The following NSF variants were observed in gnomAD, a reference collection of about 807,000 sequenced individuals.
NSF encodes the protein N-ethylmaleimide sensitive factor, vesicle fusing ATPase.
NSF carries 14 observed loss-of-function variants against 50.3 expected under a neutral mutation model. The observed-to-expected ratio is 0.28, with a 90% CI of 0.18 to 0.44. The LOEUF is 0.44. Among genes scored for constraint, NSF ranks in the 20% least tolerant of loss-of-function variants. The pLI, the probability that NSF is intolerant of heterozygous loss-of-function variation, is 1.00. For synonymous variants in NSF, 109 were observed against 175.7 expected, an observed-to-expected ratio of 0.62 and a Z score of 3.00; for missense variants, 218 against 504.3, an observed-to-expected ratio of 0.43 and a Z score of 5.44.
At chr17:46,657,432 G>A (rs2058268670) in intron 8 of NSF, among the ~76,000 whole-genome samples, 1 of 152,104 alleles carries the variant, frequency 6.6e-6, no homozygotes, top group African/African-American at 2.4e-5. Context: ...ATTTGTCATT[G>A]AATGGCTGTG....
At chr17:46,714,073 T>C in intron 15 of NSF, 87 bp downstream of exon 15, 1 of 1,343,990 alleles carries the variant, frequency 7.4e-7, no homozygotes, top group Non-Finnish European at 9.9e-7. Context: ...CATGTATACA[T>C]ATAAACCCAT....
At chr17:46,732,878 C>T (rs1470406836) in intron 17 of NSF, among the ~76,000 whole-genome samples, 1 of 152,220 alleles carries the variant, frequency 6.6e-6, no homozygotes, top group Non-Finnish European at 1.5e-5. Context: ...AACTCAGCAG[C>T]AGCAGCTAAG....
rs941599164 is a variant in NSF at position 46,720,000 on chromosome 17, G to C, written c.1761+6014G>C. ...TTGCACGAAAGAAATAATCTTCTTTGAATATCCTCCTGTAAATCCCACTGC... is the reference window on the plus strand; with the variant it reads ...TTGCACGAAAGAAATAATCTTCTTTCAATATCCTCCTGTAAATCCCACTGC... On this transcript the variant is annotated intron_variant, in intron 15 of 20. Transcript: ENST00000398238. The surrounding 1 kb of genome is among the most constrained non-coding windows in gnomAD (Gnocchi z 4.3). 1.3e-5 allele frequency among the ~76,000 whole-genome samples: 2 copies of C among 152,144 alleles called. No individual in the cohort carries two copies. The highest frequency in any genetic ancestry group is 2.9e-5 in the Non-Finnish European group (2 of 68,028).
intron 9 of NSF, among the ~76,000 whole-genome samples, chr17:46,679,305 C>T (rs951166129): frequency 2.9e-5 from 4 of 139,326 alleles, no homozygotes; most frequent in African/African-American, 1.1e-4. Flanking sequence ...TAACTTTTCT[C>T]TATGTGTGAT....
intron 8 of NSF, among the ~76,000 whole-genome samples, chr17:46,662,893 T>C (rs1178682887): frequency 7.0e-6 from 1 of 142,374 alleles, no homozygotes; most frequent in Non-Finnish European, 1.6e-5. Context: ...ACACTAGTCC[T>C]TTAATGTAGG....
chr17:46,679,104 G>A (rs2058429137), intron 9 of NSF, among the ~76,000 whole-genome samples: 1 of 152,014 alleles, frequency 6.6e-6, no homozygotes, highest in Non-Finnish European at 1.5e-5. Context: ...TGCTTGGGTG[G>A]TAAAACTATA....
Position 46,708,615 on chromosome 17 carries a change from C to T in NSF, c.1471-2348C>T, listed in dbSNP as rs1299077149. On this transcript the variant is annotated intron_variant, in intron 13 of 20. Transcript: ENST00000398238. ...TAAGTGATTCTCCTGCCTCAGCCTC[C>T]CCAGTAGCTGGGATTGTAGGCACCC... Among the ~76,000 whole-genome samples the T allele has an allele frequency of 2.7e-5, 4 of 149,294 alleles. No homozygotes were observed. The East Asian group carries it at 7.8e-4, about 29-fold the overall frequency.
At chr17:46,721,650 A>G in intron 15 of NSF, 1 of 1,599,564 alleles carries the variant, frequency 6.3e-7, no homozygotes, top group African/African-American at 1.3e-5. Context: ...ACACCAGAAA[A>G]AGTTTCAACC....
chr17:46,681,562 C>CAA (rs138678088), intron 9 of NSF, among the ~76,000 whole-genome samples: 9 of 148,350 alleles, frequency 6.1e-5, no homozygotes, highest in East Asian at 4.0e-4. Flanking sequence ...ATCTCGTCTT[C>CAA]AAAAAAAAAA....
intron 17 of NSF, among the ~76,000 whole-genome samples, chr17:46,749,383 T>G (rs2059160830): frequency 6.6e-6 from 1 of 152,228 alleles, no homozygotes. Flanking sequence ...ACTAAAGCCT[T>G]GTAAAGCCAG....
intron 9 of NSF, among the ~76,000 whole-genome samples, chr17:46,687,468 C>T (rs1486204890): frequency 1.3e-5 from 2 of 148,364 alleles, no homozygotes; most frequent in Non-Finnish European, 3.0e-5. Flanking sequence ...AGGGTAATTT[C>T]TTTTCTTCAC....
At chr17:46,752,997 G>T (rs2059197056) in intron 19 of NSF, among the ~76,000 whole-genome samples, 1 of 152,208 alleles carries the variant, frequency 6.6e-6, no homozygotes, top group African/African-American at 2.4e-5. Context: ...TCGATCTACT[G>T]ACCTCAGGTG....
At chr17:46,711,170 A>G (rs754679072) in intron 14 of NSF, 51 bp downstream of exon 14, 19 of 1,433,898 alleles carry the variant, frequency 1.3e-5, no homozygotes, top group Admixed American at 3.0e-5. Flanking sequence ...AAAAAGCAGC[A>G]TTTTTTAAAA....
intron 18 of NSF, 90 bp from the exon 19 acceptor site, chr17:46,751,413 T>C: frequency 1.1e-6 from 1 of 923,026 alleles, no homozygotes; most frequent in Non-Finnish European, 1.7e-6. Context: ...AGGTAGTTCT[T>C]ATCACTCTTC....
At chr17:46,745,124 G>A (rs2059114957) in intron 17 of NSF, among the ~76,000 whole-genome samples, 1 of 152,076 alleles carries the variant, frequency 6.6e-6, no homozygotes, top group Non-Finnish European at 1.5e-5. Flanking sequence ...GAAGGTGGAG[G>A]TCCCCTCTTG....
intron 19 of NSF, 79 bp from the exon 20 acceptor site, chr17:46,755,235 A>T (rs898838544): frequency 1.0e-5 from 11 of 1,070,614 alleles, no homozygotes; most frequent in Non-Finnish European, 1.6e-5. Flanking sequence ...GTGAAACCGA[A>T]CACTGCCTTC....
intron 13 of NSF, among the ~76,000 whole-genome samples, chr17:46,708,007 T>C (rs769888032): frequency 3.5e-4 from 50 of 144,402 alleles, no homozygotes; most frequent in Non-Finnish European, 2.1e-4. Flanking sequence ...CACGCCAGCC[T>C]GGTGACAGAG....
At chr17:46,721,788 C>T in intron 15 of NSF, 1 of 1,601,870 alleles carries the variant, frequency 6.2e-7, no homozygotes, top group Non-Finnish European at 8.5e-7. Context: ...AGGAAGGCAT[C>T]GTGCACAGCT....
chr17:46,728,910 T>G lies in NSF; in HGVS notation c.1884T>G (p.Val628=). 6.2e-7 allele frequency: 1 copy of G among 1,607,700 alleles called. No homozygotes were observed. The highest frequency in any genetic ancestry group is 8.5e-7 in the Non-Finnish European group (1 of 1,177,038). ...FSNLVLQALL[V]LLKKAPPQGR... ...ATCTTGTATTACAGGCTCTTCTCGT[T>G]TTACTGAAAAAGGCACCTCCTCAGG... Residue 628 remains valine, a synonymous_variant, in exon 17 of 21, where the codon GTT becomes GTG. Coordinates refer to ENST00000398238, the MANE Select transcript of NSF (RefSeq NM_006178.4).
Sources: allele counts gnomAD v4.1 joint callset (sites outside exome capture counted in the v4.1 genomes callset), GRCh38; gene constraint gnomAD v4.1.1; non-coding constraint Gnocchi (gnomAD v3.1); transcripts MANE v1.5; gene names NCBI Gene and HGNC (gene_info 2026-07-23, HGNC 2026-07-21).